DCLK1: variants seen among roughly 807,000 people sequenced by gnomAD.
DCLK1 encodes serine/threonine-protein kinase DCLK1.
In DCLK1, 16 loss-of-function variants were observed where a neutral mutation model predicts 86.2. The ratio of observed to expected loss-of-function variants is 0.19; its 90% CI spans 0.13 to 0.28. DCLK1 has a LOEUF of 0.28. DCLK1 is among the 10% of genes least tolerant of loss of function. The pLI, the probability that DCLK1 is intolerant of heterozygous loss-of-function variation, is 1.00. For synonymous variants in DCLK1, 369 were observed against 370.5 expected (o/e 1.00, Z 0.05); for missense variants, 590 against 940.2 (o/e 0.63, Z 4.87).
chr13:35,793,518 A>C (rs756388992), intron 15 of DCLK1, 39 bp from the exon 16 acceptor site: 12 of 1,468,376 alleles, frequency 8.2e-6, no homozygotes, highest in Non-Finnish European at 1.1e-5. Flanking sequence ...AAAAGAAAGA[A>C]AATGAGATAA....
At chr13:35,945,857 T>C (rs953301369) in intron 4 of DCLK1, among the ~76,000 whole-genome samples, 1 of 152,178 alleles carries the variant, frequency 6.6e-6, no homozygotes, top group Non-Finnish European at 1.5e-5. Flanking sequence ...AGTCAACTTA[T>C]TTAGAGAAAA....
intron 16 of DCLK1, among the ~76,000 whole-genome samples, chr13:35,789,198 AG>A (rs2086669957): frequency 6.6e-6 from 1 of 152,142 alleles, no homozygotes; most frequent in Non-Finnish European, 1.5e-5. Context: ...CTTTCTTCAG[AG>A]GGGCTCATGT....
At chr13:36,031,768 T>G (rs561001644) in intron 3 of DCLK1, among the ~76,000 whole-genome samples, 1 of 152,202 alleles carries the variant, frequency 6.6e-6, no homozygotes, top group Non-Finnish European at 1.5e-5. Context: ...TTGTTGTGGT[T>G]GTTGTTGAAA....
intron 3 of DCLK1, among the ~76,000 whole-genome samples, chr13:35,968,955 C>G (rs1878924939): frequency 1.3e-5 from 2 of 152,168 alleles, no homozygotes; most frequent in African/African-American, 4.8e-5. Context: ...AACAAGGAAA[C>G]AAAATGCTCA....
At chr13:35,821,142 AT>A (rs768706449) in intron 11 of DCLK1, among the ~76,000 whole-genome samples, 60 of 152,210 alleles carry the variant, frequency 3.9e-4, no homozygotes, top group Admixed American at 2.0e-4. Flanking sequence ...TGGGCAGGTC[AT>A]TTAACTTCTA....
intron 3 of DCLK1, among the ~76,000 whole-genome samples, chr13:35,976,656 A>G (rs1286391107): frequency 6.7e-6 from 1 of 148,976 alleles, no homozygotes; most frequent in Non-Finnish European, 1.5e-5. Flanking sequence ...TCAGCCTCCC[A>G]AGTAGCTGGG....
chr13:35,909,344 C>T (rs1539544), intron 4 of DCLK1, among the ~76,000 whole-genome samples: 48,590 of 151,952 alleles, frequency 0.32, 8,338 homozygotes, highest in South Asian at 0.46. Flanking sequence ...AAATGGAAGA[C>T]GCTGTACATG....
At chr13:36,085,567 A>T (rs528905029) in intron 3 of DCLK1, among the ~76,000 whole-genome samples, 1 of 152,320 alleles carries the variant, frequency 6.6e-6, no homozygotes, top group East Asian at 1.9e-4. Flanking sequence ...GGTTCCCATG[A>T]CTGCTCATGT....
At chr13:36,015,252 T>C (rs1194127673) in intron 3 of DCLK1, among the ~76,000 whole-genome samples, 2 of 152,212 alleles carry the variant, frequency 1.3e-5, no homozygotes, top group Admixed American at 6.5e-5. Flanking sequence ...TTTCTGAAGC[T>C]TTCCTGTTTA....
chr13:36,007,691 G>A (rs545870431), intron 3 of DCLK1, among the ~76,000 whole-genome samples: 13 of 152,182 alleles, frequency 8.5e-5, no homozygotes, highest in Non-Finnish European at 1.9e-4. Flanking sequence ...CATACTATTT[G>A]TGAGTAGAAA....
chr13:35,776,537 G>A (rs1281553321), intron 16 of DCLK1, among the ~76,000 whole-genome samples: 1 of 152,180 alleles, frequency 6.6e-6, no homozygotes, highest in African/African-American at 2.4e-5. Context: ...GTCCCACTCT[G>A]TCCATTGCTG....
chr13:35,789,274 A>G (rs1423556430), intron 16 of DCLK1, among the ~76,000 whole-genome samples: 1 of 152,190 alleles, frequency 6.6e-6, no homozygotes, highest in Admixed American at 6.5e-5. Context: ...TCACAAAGGC[A>G]TTTCAAAAAC....
At chr13:35,864,061 T>C (rs1182840616) in intron 5 of DCLK1, among the ~76,000 whole-genome samples, 1 of 152,218 alleles carries the variant, frequency 6.6e-6, no homozygotes, top group Non-Finnish European at 1.5e-5. Flanking sequence ...GCACCCAACG[T>C]TGCCGGTCCA....
At chr13:36,023,783 C>T (rs1881894833) in intron 3 of DCLK1, among the ~76,000 whole-genome samples, 2 of 152,132 alleles carry the variant, frequency 1.3e-5, no homozygotes, top group Non-Finnish European at 2.9e-5. Flanking sequence ...TCTGATAAAA[C>T]AGCATCCACA....
chr13:35,869,983 T>C, intron 5 of DCLK1, among the ~76,000 whole-genome samples: 1 of 152,218 alleles, frequency 6.6e-6, no homozygotes, highest in East Asian at 1.9e-4. Flanking sequence ...AGCTCTAAGC[T>C]TTGAGTCTAC....
intron 4 of DCLK1, among the ~76,000 whole-genome samples, chr13:35,885,560 G>A (rs949936084): frequency 6.6e-6 from 1 of 152,122 alleles, no homozygotes; most frequent in South Asian, 2.1e-4. Flanking sequence ...GTCTCACTGG[G>A]ATAGAATTTA....
intron 6 of DCLK1, chr13:35,848,152 A>G: frequency 1.0e-6 from 1 of 985,282 alleles, no homozygotes; most frequent in Non-Finnish European, 1.2e-6. Flanking sequence ...ATTAGGACAA[A>G]ACTGCGTGGC....
chr13:35,969,967 A>G (rs1055767513), intron 3 of DCLK1, among the ~76,000 whole-genome samples: 24 of 152,146 alleles, frequency 1.6e-4, no homozygotes, highest in Admixed American at 1.4e-3. Flanking sequence ...TTCCTCACCA[A>G]GATATCTTGA....
chr13:35,933,959 TTA>T (rs1876613212), intron 4 of DCLK1, among the ~76,000 whole-genome samples: 1 of 152,188 alleles, frequency 6.6e-6, no homozygotes, highest in Non-Finnish European at 1.5e-5. Flanking sequence ...TGTTTCCCTT[TTA>T]AGTGCTTTTA....
Sources: gnomAD v4.1 joint callset for allele counts (sites outside exome capture counted in the v4.1 genomes callset) on GRCh38, gnomAD v4.1.1 for gene constraint, MANE v1.5 for transcripts, NCBI Gene and HGNC (gene_info 2026-07-23, HGNC 2026-07-21) for gene names.